NBPF3: variants seen among roughly 807,000 people sequenced by gnomAD.
NBPF3 encodes NBPF family member NBPF3.
Under a neutral mutation model 78.1 loss-of-function variants are expected in NBPF3, and 57 were observed. The ratio of observed to expected loss-of-function variants is 0.73; its 90% CI spans 0.59 to 0.91. The LOEUF (loss-of-function observed/expected upper bound fraction) is 0.91. Ranked by LOEUF, NBPF3 falls within the 40% of genes least tolerant of loss-of-function variation. The pLI, the probability that NBPF3 is intolerant of heterozygous loss-of-function variation, is 0.00. For missense variants in NBPF3, 510 were observed against 715.3 expected (o/e 0.71, Z 3.27); for synonymous variants, 182 against 271.7 (o/e 0.67, Z 3.25).
At chr1:21,457,198 G>A (rs12726095) in intron 2 of NBPF3, among the ~76,000 whole-genome samples, 1 of 144,826 alleles carries the variant, frequency 6.9e-6, no homozygotes, top group South Asian at 2.2e-4. Context: ...GTATGTATGT[G>A]TGTGGGTGGG....
chr1:21,444,761 A>G (rs922677138), intron 1 of NBPF3, among the ~76,000 whole-genome samples, 187 bp from the exon 2 acceptor site: 1 of 152,004 alleles, frequency 6.6e-6, no homozygotes, highest in Non-Finnish European at 1.5e-5. Flanking sequence ...GGGTCTTACT[A>G]TGTTGCCCAG....
At chr1:21,464,728 C>T (rs866209815) in intron 2 of NBPF3, among the ~76,000 whole-genome samples, 2 of 151,594 alleles carry the variant, frequency 1.3e-5, no homozygotes, top group African/African-American at 4.9e-5. Flanking sequence ...CATTTCAGGG[C>T]CAGGTTCAGT....
intron 2 of NBPF3, among the ~76,000 whole-genome samples, chr1:21,464,468 G>T (rs1642141513): frequency 6.6e-6 from 1 of 152,006 alleles, no homozygotes; most frequent in Admixed American, 6.6e-5. Context: ...GGGAATTGGA[G>T]AGTGTCTGCC....
chr1:21,473,317 TC>T, intron 6 of NBPF3, 62 bp from the exon 7 acceptor site: 2 of 1,568,326 alleles, frequency 1.3e-6, no homozygotes, highest in South Asian at 2.2e-5. Context: ...CAGCTAGCAC[TC>T]CCTGGTGTCC....
intron 2 of NBPF3, chr1:21,466,117 G>A (rs577780411): frequency 3.0e-6 from 3 of 985,490 alleles, no homozygotes; most frequent in African/African-American, 1.7e-5. Flanking sequence ...AATCACTGAT[G>A]GAATCGGACA....
Position 21,470,651 on chromosome 1 carries a change from C to A in NBPF3, c.363C>A (p.Asp121Glu), listed in dbSNP as rs779862554. Residue 121 changes from aspartate (D) to glutamate (E), a missense_variant, in exon 4 of 15, where the codon GAC (aspartate) becomes GAA (glutamate). Physicochemically the swap from Asp to Glu is conservative, Grantham distance 45 (BLOSUM62 2). Coordinates refer to ENST00000318249, the MANE Select transcript of NBPF3 (RefSeq NM_032264.6). ...QNNYDYEDCK[D>E]LIKSMLRDER... ...TCTCAGACTATGAAGACTGCAAAGACCTCATAAAATCTATGCTGAGGGATG... is the reference window on the plus strand; with the variant it reads ...TCTCAGACTATGAAGACTGCAAAGAACTCATAAAATCTATGCTGAGGGATG... 1 of 1,598,642 alleles carries A rather than the reference C, an allele frequency of 6.3e-7. No individual in the cohort carries two copies. Among genetic ancestry groups the A allele is most frequent in the Non-Finnish European group, 8.5e-7 (1 of 1,169,998 alleles).
At chr1:21,438,221 T>A (rs1008056524), upstream of NBPF3, among the ~76,000 whole-genome samples, 3 of 152,062 alleles carry the variant, frequency 2.0e-5, no homozygotes, top group Non-Finnish European at 4.4e-5. Context: ...CAAGCAATTC[T>A]CCTGCCTCAG....
At chr1:21,444,457 C>G (rs935485543) in intron 1 of NBPF3, among the ~76,000 whole-genome samples, 9 of 152,342 alleles carry the variant, frequency 5.9e-5, no homozygotes, top group African/African-American at 2.2e-4. Flanking sequence ...AACACCCACA[C>G]TCTCTTAATT....
In NBPF3 at chr1:21,480,224, G is replaced by A. The variant is rs1321380042; in HGVS notation, c.1381+1G>A. ...CTTGGCTTGGCTCTTGACTTGGACA[G>A]TGAGTACCTTACTATGAAGGTGATA... is the stretch of plus-strand genomic sequence containing the variant. On this transcript the variant is annotated splice_donor_variant, in intron 11 of 14. Coordinates refer to ENST00000318249, the MANE Select transcript of NBPF3 (RefSeq NM_032264.6). LOFTEE classifies it high-confidence loss of function. The A allele has an allele frequency of 4.1e-6, 5 of 1,207,788 alleles. No homozygotes were observed. The South Asian group carries it at 6.2e-5, about 15-fold the overall frequency. The allele number at this position is 1,207,788 out of a possible 1,614,324, so 74.8% of individuals were successfully genotyped here. A position where few individuals can be genotyped will look rare whatever the true frequency, so the allele number is the denominator to read the frequency against.
intron 2 of NBPF3, chr1:21,467,065 T>C: frequency 1.0e-6 from 1 of 984,742 alleles, no homozygotes; most frequent in Non-Finnish European, 1.2e-6. Context: ...TTTTATCATT[T>C]TTAAAATAAA....
At chr1:21,446,511 CT>C in intron 2 of NBPF3, 1 of 137,192 alleles carries the variant, frequency 7.3e-6, no homozygotes, top group African/African-American at 2.7e-5. Flanking sequence ...CCCTCCAACT[CT>C]CTTTCTCTTT....
chr1:21,479,039 A>G (rs1395191741), intron 9 of NBPF3, among the ~76,000 whole-genome samples: 1 of 152,236 alleles, frequency 6.6e-6, no homozygotes, highest in Non-Finnish European at 1.5e-5. Context: ...TATCTCTCCT[A>G]TGAGGCATTA....
At chr1:21,470,809 A>G (rs1244996763) in intron 4 of NBPF3, 75 bp downstream of exon 4, 3 of 970,224 alleles carry the variant, frequency 3.1e-6, no homozygotes, top group East Asian at 2.7e-5. Context: ...GGCAGGGAGA[A>G]CTAAGAGCTG....
intron 2 of NBPF3, among the ~76,000 whole-genome samples, chr1:21,451,528 C>A (rs1641310298): frequency 6.6e-6 from 1 of 152,198 alleles, no homozygotes; most frequent in Admixed American, 6.5e-5. Flanking sequence ...AGGCTGATGA[C>A]TTCAGGGACA....
In NBPF3 at chr1:21,449,011, A is replaced by G. The variant is rs533657653; in HGVS notation, c.133+3792A>G. ...GTCAGCCATTGTCCACGTACAACTC[A>G]ATGACTTAAGGTGATATATAGAATT... On this transcript the variant is annotated intron_variant, in intron 2 of 14. Transcript: ENST00000318249. Among the ~76,000 whole-genome samples, 48 of 152,322 alleles carry G rather than the reference A, an allele frequency of 3.2e-4. No individual in the cohort carries two copies. In the South Asian group the frequency reaches 9.1e-3, roughly 29 times the overall value.
chr1:21,462,585 C>CA (rs1216803851), intron 2 of NBPF3, among the ~76,000 whole-genome samples: 2 of 151,954 alleles, frequency 1.3e-5, no homozygotes, highest in Non-Finnish European at 2.9e-5. Context: ...AGAACAAAGA[C>CA]AAAAAAGTAT....
chr1:21,480,057 C>G lies in NBPF3; in HGVS notation c.1215C>G (p.Ser405Arg). The G allele has an allele frequency of 2.5e-6, 3 of 1,182,502 alleles. No homozygotes were observed. The highest frequency in any genetic ancestry group is 3.8e-6 in the Non-Finnish European group (3 of 784,414). The allele number at this position is 1,182,502 out of a possible 1,614,324, so 73.3% of individuals were successfully genotyped here. The change falls in exon 11 of 15, where the codon AGC (serine) becomes AGG (arginine). Residue 405 changes from serine to arginine, a missense_variant. By Grantham distance (110) the Ser-to-Arg change is moderately radical (BLOSUM62 -1). Around this residue, in one of 5 missense-constraint regions of NBPF3, gnomAD observed 22 missense variants for 59.9 expected, o/e 0.37. Coordinates refer to ENST00000318249, the MANE Select transcript of NBPF3 (RefSeq NM_032264.6). ...ACTTTTCCTACTTTTCCAGGCTCAG[C>G]AGGGAGCTGCTGGATGAGAAAGAGC... is the stretch of plus-strand genomic sequence containing the variant. ...EDQEATSPRL[S>R]RELLDEKEPE...
chr1:21,438,482 A>G (rs1429127524), upstream of NBPF3, among the ~76,000 whole-genome samples: 1 of 152,200 alleles, frequency 6.6e-6, no homozygotes, highest in Admixed American at 6.5e-5. Flanking sequence ...AGGGGAAGTA[A>G]TGATACTTAA....
intron 4 of NBPF3, among the ~76,000 whole-genome samples, chr1:21,471,047 C>T (rs986766276): frequency 7.8e-5 from 11 of 141,636 alleles, no homozygotes; most frequent in African/African-American, 2.7e-4. Flanking sequence ...AGTGATGTGC[C>T]ATCACCACCC....
Sources: gnomAD v4.1 joint callset for allele counts (sites outside exome capture counted in the v4.1 genomes callset) on GRCh38, gnomAD v4.1.1 for gene constraint, gnomAD v4.1.1 regional missense constraint, MANE v1.5 for transcripts, NCBI Gene and HGNC (gene_info 2026-07-23, HGNC 2026-07-21) for gene names.